XKR9: variants seen among roughly 807,000 people sequenced by gnomAD.
XKR9 encodes XK related 9.
A neutral mutation model predicts 32.0 loss-of-function variants in XKR9; 32 were observed. The ratio of observed to expected loss-of-function variants is 1.00; its 90% CI spans 0.76 to 1.34. The LOEUF (loss-of-function observed/expected upper bound fraction) is 1.34. Among genes scored for constraint, XKR9 ranks in the 40% most tolerant of loss-of-function variants. XKR9 has a pLI of 0.00. For missense variants in XKR9, 546 were observed against 429.7 expected (o/e 1.27, Z -2.39); for synonymous variants, 168 against 143.4 (o/e 1.17, Z -1.22).
the XKR9 span, among the ~76,000 whole-genome samples, chr8:70,930,641 T>A: frequency 6.6e-6 from 1 of 152,194 alleles, no homozygotes; most frequent in South Asian, 2.1e-4. Flanking sequence ...CTGCTTTTAG[T>A]TTGGGATACC....
chr8:70,773,372 T>G (rs545819501), intron 2 of XKR9, among the ~76,000 whole-genome samples: 5 of 152,306 alleles, frequency 3.3e-5, no homozygotes, highest in African/African-American at 1.2e-4. Context: ...AGAGGCTAAT[T>G]TGAATACAAT....
At chr8:70,815,962 A>C in the XKR9 span, among the ~76,000 whole-genome samples, 1 of 152,106 alleles carries the variant, frequency 6.6e-6, no homozygotes, top group African/African-American at 2.4e-5. Context: ...ATACACATGC[A>C]TGTGTCTTTA....
chr8:70,989,757 G>T, the XKR9 span, among the ~76,000 whole-genome samples: 1 of 152,056 alleles, frequency 6.6e-6, no homozygotes, highest in East Asian at 1.9e-4. Flanking sequence ...TCACAATATG[G>T]TGCAACCCTC....
chr8:71,042,114 C>A, the XKR9 span, among the ~76,000 whole-genome samples: 1 of 152,116 alleles, frequency 6.6e-6, no homozygotes, highest in African/African-American at 2.4e-5. Flanking sequence ...TGCTGGCTAA[C>A]TTGCTTGTCC....
At chr8:70,912,834 A>G in the XKR9 span, among the ~76,000 whole-genome samples, 1 of 152,196 alleles carries the variant, frequency 6.6e-6, no homozygotes, top group East Asian at 1.9e-4. Context: ...GGGAATTTCA[A>G]GAATTATTTA....
At chr8:70,725,717 C>T (rs1326535270) in intron 4 of XKR9, among the ~76,000 whole-genome samples, 1 of 152,158 alleles carries the variant, frequency 6.6e-6, no homozygotes, top group South Asian at 2.1e-4. Flanking sequence ...ACCAGCCTGT[C>T]CAACATTGTG....
the XKR9 span, among the ~76,000 whole-genome samples, chr8:70,940,733 T>C: frequency 2.0e-4 from 30 of 152,244 alleles, no homozygotes; most frequent in East Asian, 5.0e-3. Context: ...GTCAGTATTA[T>C]ATTATTAAAT....
At chr8:70,698,879 T>C (rs1805398099) in intron 3 of XKR9, among the ~76,000 whole-genome samples, 2 of 152,178 alleles carry the variant, frequency 1.3e-5, no homozygotes, top group African/African-American at 4.8e-5. Flanking sequence ...CTGTATTGGG[T>C]GCATATATAT....
the XKR9 span, among the ~76,000 whole-genome samples, chr8:70,839,312 G>A: frequency 6.6e-6 from 1 of 152,082 alleles, no homozygotes; most frequent in Admixed American, 6.6e-5. Context: ...CTAAAAAAGA[G>A]CACTTTAACC....
chr8:70,975,278 G>A, the XKR9 span, among the ~76,000 whole-genome samples: 1 of 152,136 alleles, frequency 6.6e-6, no homozygotes, highest in South Asian at 2.1e-4. Flanking sequence ...GGCTTTTGTT[G>A]CCATTGCTTT....
At chr8:70,913,361 T>C in the XKR9 span, among the ~76,000 whole-genome samples, 1 of 152,118 alleles carries the variant, frequency 6.6e-6, no homozygotes, top group Non-Finnish European at 1.5e-5. Flanking sequence ...TGTTACTACA[T>C]AGTGGAAACT....
chr8:70,789,050 A>G (rs776535867), intron 2 of XKR9, among the ~76,000 whole-genome samples: 64 of 152,180 alleles, frequency 4.2e-4, no homozygotes, highest in African/African-American at 1.5e-3. Flanking sequence ...CAAAAATGCT[A>G]TTTAATCAAA....
chr8:70,751,777 G>A (rs778570456), intron 2 of XKR9, among the ~76,000 whole-genome samples: 6 of 152,164 alleles, frequency 3.9e-5, no homozygotes, highest in Non-Finnish European at 8.8e-5. Flanking sequence ...ATATTCTGAG[G>A]TCTTTGGGCT....
the XKR9 span, among the ~76,000 whole-genome samples, chr8:70,997,228 C>T: frequency 0.09 from 13,670 of 151,796 alleles, 1,212 homozygotes; most frequent in East Asian, 0.27. Flanking sequence ...ACCCGGAAGG[C>T]GGAGGTTGCA....
intron 2 of XKR9, among the ~76,000 whole-genome samples, chr8:70,779,314 G>GT (rs1310621465): frequency 6.6e-6 from 1 of 152,158 alleles, no homozygotes; most frequent in African/African-American, 2.4e-5. Context: ...CTTGTTCGTG[G>GT]TGGATAAGCT....
At chr8:71,061,404 C>G in the XKR9 span, among the ~76,000 whole-genome samples, 25 of 152,208 alleles carry the variant, frequency 1.6e-4, no homozygotes, top group African/African-American at 5.8e-4. Context: ...GAGCAGTGTT[C>G]CAGCCTTACC....
chr8:70,736,872 C>A (rs1424000852), downstream of XKR9, among the ~76,000 whole-genome samples: 1 of 151,642 alleles, frequency 6.6e-6, no homozygotes, highest in African/African-American at 2.4e-5. Context: ...TTACTGTAGC[C>A]TTGTAGTATA....
chr8:70,803,561 G>C, the XKR9 span, among the ~76,000 whole-genome samples: 1 of 152,168 alleles, frequency 6.6e-6, no homozygotes, highest in Non-Finnish European at 1.5e-5. Context: ...TTTCTCATCC[G>C]TGTGGGCTGA....
At chr8:70,669,664 ATTTTTTTTTT>A (rs11335556) in intron 1 of XKR9, 126 bp downstream of exon 1, 1 of 84,420 alleles carries the variant, frequency 1.2e-5, no homozygotes, top group Non-Finnish European at 2.2e-5. Flanking sequence ...TAGCCTGTTC[ATTTTTTTTTT>A]TTTTTTTTTT....
Sources: allele counts gnomAD v4.1 joint callset (sites outside exome capture counted in the v4.1 genomes callset), GRCh38; gene constraint gnomAD v4.1.1; transcripts MANE v1.5; gene names NCBI Gene and HGNC (gene_info 2026-07-23, HGNC 2026-07-21).